The following XKR4 variants were observed in gnomAD, a reference collection of about 807,000 sequenced individuals.
XKR4 encodes the protein XK-related protein 4.
In XKR4, 12 loss-of-function variants were observed where a neutral mutation model predicts 53.9. The ratio of observed to expected loss-of-function variants is 0.22; its 90% CI spans 0.14 to 0.36. The LOEUF (loss-of-function observed/expected upper bound fraction) is 0.36. XKR4 is among the 10% of genes least tolerant of loss of function. The pLI is 1.00. For synonymous variants in XKR4, 354 were observed against 362.4 expected (o/e 0.98, Z 0.26); for missense variants, 799 against 859.5 (o/e 0.93, Z 0.88).
chr8:55,392,327 C>T (rs190345509), intron 2 of XKR4, among the ~76,000 whole-genome samples: 121 of 152,130 alleles, frequency 8.0e-4, no homozygotes, highest in African/African-American at 2.8e-3. Context: ...CTTACTGTCC[C>T]AGAAAGCAAA....
At chr8:55,467,776 G>T (rs1805805252) in intron 2 of XKR4, among the ~76,000 whole-genome samples, 1 of 152,058 alleles carries the variant, frequency 6.6e-6, no homozygotes, top group African/African-American at 2.4e-5. Context: ...ATGGCCTTTG[G>T]CAAGTTTTGC....
At chr8:55,181,914 T>C (rs991136830) in intron 1 of XKR4, among the ~76,000 whole-genome samples, 1 of 152,212 alleles carries the variant, frequency 6.6e-6, no homozygotes, top group East Asian at 1.9e-4. Context: ...TTGATTTCCA[T>C]AATGCTATAT....
In XKR4 at chr8:55,523,368, A is replaced by G. The variant is rs1367779159; in HGVS notation, c.1094A>G (p.Lys365Arg). ...KALRDSRDDK[K>R]PISYMAVIIQ... ...CTCCGGGACTCTCGAGATGACAAGA[A>G]GCCCATCAGCTACATGGCCGTCATC... Residue 365 changes from lysine (K) to arginine (R), a missense_variant, in exon 3 of 3, where the codon AAG (lysine) becomes AGG (arginine). This residue lies in a region of XKR4 where 476 missense variants were observed against 505.4 expected (regional missense o/e 0.94). Coordinates refer to ENST00000327381, the MANE Select transcript of XKR4 (RefSeq NM_052898.2). The G allele has an allele frequency of 6.2e-7, 1 of 1,614,080 alleles. No homozygotes were observed. Among genetic ancestry groups the G allele is most frequent in the Non-Finnish European group, 8.5e-7 (1 of 1,180,046 alleles).
At chr8:55,425,811 C>G (rs960395126) in intron 2 of XKR4, among the ~76,000 whole-genome samples, 1 of 152,176 alleles carries the variant, frequency 6.6e-6, no homozygotes, top group Non-Finnish European at 1.5e-5. Flanking sequence ...CTGTAACAGC[C>G]ATTCTCTCTG....
chr8:55,472,290 G>A (rs780554701), intron 2 of XKR4, among the ~76,000 whole-genome samples: 76 of 152,248 alleles, frequency 5.0e-4, no homozygotes, highest in Non-Finnish European at 8.8e-4. Context: ...TGTAAAGGAT[G>A]AAGGGTATAT....
intron 1 of XKR4, among the ~76,000 whole-genome samples, chr8:55,310,846 G>A (rs974425219): frequency 1.3e-5 from 2 of 152,342 alleles, no homozygotes; most frequent in South Asian, 4.1e-4. Flanking sequence ...GAGGAATAAA[G>A]AAGTGGGACA....
chr8:55,112,592 G>GTTTTTT (rs1563459297), intron 1 of XKR4, among the ~76,000 whole-genome samples: 43 of 114,038 alleles, frequency 3.8e-4, no homozygotes, highest in African/African-American at 1.1e-3. Flanking sequence ...TTTTTTTAGG[G>GTTTTTT]AGCAGAGAGT....
At chr8:55,469,905 C>T (rs1805846612) in intron 2 of XKR4, among the ~76,000 whole-genome samples, 6 of 152,128 alleles carry the variant, frequency 3.9e-5, no homozygotes, top group Admixed American at 3.9e-4. Flanking sequence ...TGCAATGTAT[C>T]ATGTACTGGG....
chr8:55,528,352 A>G lies in XKR4; in HGVS notation c.*4125A>G, dbSNP rs569862586. On this transcript the variant is annotated 3_prime_UTR_variant, in exon 3 of 3. Transcript: ENST00000327381. ...TCTCTGAACAGATTGAATTGAGCAA[A>G]GAGAACCTCTTCTGTCCTTACCAGG... is the stretch of plus-strand genomic sequence containing the variant. 5.3e-5 allele frequency: 8 copies of G among 152,368 alleles called. No homozygotes were observed. The South Asian group carries it at 1.7e-3, about 32-fold the overall frequency. 9.4% of individuals were successfully genotyped at this position (152,368 alleles called of 1,614,324 possible).
intron 2 of XKR4, chr8:55,452,494 C>T: frequency 1.6e-6 from 1 of 636,286 alleles, no homozygotes; most frequent in Non-Finnish European, 2.9e-6. Context: ...ATGCGCAGGC[C>T]ATCCAGCACA....
At chr8:55,137,282 C>T (rs1158013431) in intron 1 of XKR4, among the ~76,000 whole-genome samples, 2 of 151,962 alleles carry the variant, frequency 1.3e-5, no homozygotes, top group African/African-American at 4.8e-5. Flanking sequence ...TGTGAAATTC[C>T]TTGGAGGCCT....
intron 1 of XKR4, among the ~76,000 whole-genome samples, chr8:55,310,382 C>T (rs1819371674): frequency 6.6e-6 from 1 of 152,104 alleles, no homozygotes; most frequent in Non-Finnish European, 1.5e-5. Flanking sequence ...ATAATACTTC[C>T]TATTTTATAG....
intron 2 of XKR4, among the ~76,000 whole-genome samples, chr8:55,391,904 T>C (rs972012206): frequency 2.6e-5 from 4 of 152,184 alleles, no homozygotes; most frequent in African/African-American, 9.6e-5. Flanking sequence ...GATCTTACAC[T>C]TTAATAGTCA....
At chr8:55,312,657 T>C (rs893396180) in intron 1 of XKR4, among the ~76,000 whole-genome samples, 2 of 152,242 alleles carry the variant, frequency 1.3e-5, no homozygotes, top group Admixed American at 6.5e-5. Context: ...CCATCATTGA[T>C]GTAATTAACG....
rs17335537 is a variant in XKR4 at position 55,153,330 on chromosome 8, G to A, written c.806+50036G>A. Reference sequence around the variant, plus strand: ...GTTTTTACCTTCTAGTTTTTCTCCCGAGGGAAGATATAAGAGAGAATGAAT... The same window carrying A: ...GTTTTTACCTTCTAGTTTTTCTCCCAAGGGAAGATATAAGAGAGAATGAAT... On this transcript the variant is annotated intron_variant, in intron 1 of 2. Transcript: ENST00000327381. Among the ~76,000 whole-genome samples the A allele has an allele frequency of 4.8e-4, 73 of 152,234 alleles. 1 individual carries two copies. The highest frequency in any genetic ancestry group is 2.3e-3 in the East Asian group (12 of 5,178).
intron 1 of XKR4, among the ~76,000 whole-genome samples, chr8:55,242,946 A>G (rs4737967): frequency 6.6e-6 from 1 of 152,118 alleles, no homozygotes; most frequent in Non-Finnish European, 1.5e-5. Context: ...CACCAAAGTC[A>G]TGTTTAATAA....
At chr8:55,325,292 A>G (rs564972215) in intron 1 of XKR4, among the ~76,000 whole-genome samples, 3 of 152,316 alleles carry the variant, frequency 2.0e-5, no homozygotes, top group African/African-American at 7.2e-5. Context: ...ACATTTGCCT[A>G]TAGATGTATT....
intron 2 of XKR4, chr8:55,451,897 G>A (rs942602737): frequency 1.1e-5 from 9 of 830,140 alleles, no homozygotes; most frequent in African/African-American, 1.7e-5. Flanking sequence ...CAGCTCTTCC[G>A]ACACTGAGAT....
chr8:55,537,305 T>C lies in XKR4; in HGVS notation c.*13078T>C, dbSNP rs1372756443. The C allele has an allele frequency of 6.6e-6, 1 of 152,232 alleles. No individual in the cohort carries two copies. The highest frequency in any genetic ancestry group is 2.1e-4 in the South Asian group (1 of 4,838). 9.4% of individuals were successfully genotyped at this position (152,232 alleles called of 1,614,324 possible). A position where few individuals can be genotyped will look rare whatever the true frequency, so the allele number is the denominator to read the frequency against. The stretch of plus-strand genomic sequence containing the variant: ...AAAGTCTGAGATGTTCATCCTGACA[T>C]TTGCGTTCCTGATTATTTGTGGACA... On this transcript the variant is annotated 3_prime_UTR_variant, in exon 3 of 3. Transcript: ENST00000327381.
Sources: allele counts gnomAD v4.1 joint callset (sites outside exome capture counted in the v4.1 genomes callset), GRCh38; gene constraint gnomAD v4.1.1; regional missense constraint gnomAD v4.1.1; transcripts MANE v1.5; gene names NCBI Gene and HGNC (gene_info 2026-07-23, HGNC 2026-07-21).